RPS6KA1: variants seen among roughly 807,000 people sequenced by gnomAD.
RPS6KA1 encodes ribosomal protein S6 kinase A1, also known as ribosomal protein S6 kinase alpha-1.
In RPS6KA1, 48 loss-of-function variants were observed where a neutral mutation model predicts 91.3. That is an observed-to-expected ratio of 0.53 (90% confidence interval 0.42 to 0.67). The LOEUF (loss-of-function observed/expected upper bound fraction) is 0.67, where lower values mean the gene tolerates loss of function less well. Among genes scored for constraint, RPS6KA1 ranks in the 30% least tolerant of loss-of-function variants. RPS6KA1 has a pLI of 0.00. For synonymous variants in RPS6KA1, 359 were observed against 384.7 expected (o/e 0.93, Z 0.78); for missense variants, 719 against 960.5 (o/e 0.75, Z 3.32).
intron 17 of RPS6KA1, among the ~76,000 whole-genome samples, chr1:26,569,251 G>A (rs1013435563): frequency 2.0e-5 from 3 of 151,976 alleles, no homozygotes; most frequent in African/African-American, 7.3e-5. Context: ...CTGTCCACCC[G>A]CCGAGGTGCA....
chr1:26,555,617 A>T lies in RPS6KA1; in HGVS notation c.908A>T (p.Asn303Ile). Residue 303 changes from asparagine (N) to isoleucine (I), a missense_variant, in exon 11 of 22, where the codon AAC becomes ATC. Transcript: ENST00000374168. The surrounding 1 kb of genome is among the most constrained non-coding windows in gnomAD (Gnocchi z 4.3). ...LRALFKRNPA[N>I]RLGSGPDGAE... ...GCCCTGTTCAAGCGGAATCCTGCCA[A>T]CCGGCTCGGTAAGCAGCCCCAGCTC... 6.3e-7 allele frequency: 1 copy of T among 1,594,082 alleles called. No individual in the cohort carries two copies. Among genetic ancestry groups the T allele is most frequent in the African/African-American group, 1.3e-5 (1 of 74,510 alleles).
intron 4 of RPS6KA1, among the ~76,000 whole-genome samples, chr1:26,550,154 C>T (rs552338438): frequency 2.0e-5 from 3 of 150,440 alleles, no homozygotes; most frequent in Non-Finnish European, 2.9e-5. Flanking sequence ...GCTAGTATTA[C>T]AGGCATGAGC....
At chr1:26,537,093 C>A in intron 2 of RPS6KA1, 124 bp downstream of exon 2, 1 of 973,832 alleles carries the variant, frequency 1.0e-6, no homozygotes, top group Non-Finnish European at 1.6e-6. Flanking sequence ...TTCTCAGGGC[C>A]CACCGAATCC....
chr1:26,544,440 T>C (rs929553037), intron 2 of RPS6KA1, among the ~76,000 whole-genome samples: 1 of 152,088 alleles, frequency 6.6e-6, no homozygotes, highest in African/African-American at 2.4e-5. Context: ...ACCATCTGTC[T>C]CTGCCTTTTG....
rs780086596 is a variant in RPS6KA1 at position 26,551,604 on chromosome 1, G to A, written c.389-40G>A. The A allele has an allele frequency of 1.2e-6, 2 of 1,605,834 alleles. No individual in the cohort carries two copies. Among genetic ancestry groups the A allele is most frequent in the East Asian group, 2.2e-5 (1 of 44,834 alleles). On this transcript the variant is annotated intron_variant, in intron 5 of 21. Transcript: ENST00000374168. This position sits in a 1 kb window ranked among gnomAD's most constrained non-coding sequence, Gnocchi z 4.5. ...CAGGGCCGGAGAAGCAGATCATAAG[G>A]CCGCGCCGACTCTACCATTGCCTTT... is the stretch of plus-strand genomic sequence containing the variant.
rs1202956272 is a variant in RPS6KA1 at position 26,561,248 on chromosome 1, G to A, written c.1431+114G>A. ...CCTCTTTCCAGTGGTCATGTGGAGG[G>A]GAAGGAGGTCCCTTGGTCCCTTCAG... On this transcript the variant is annotated intron_variant, in intron 16 of 21. Transcript: ENST00000374168. The surrounding 1 kb of genome is among the most constrained non-coding windows in gnomAD (Gnocchi z 5.7). 1 of 1,078,784 alleles carries A rather than the reference G, an allele frequency of 9.3e-7. No homozygotes were observed. The highest frequency in any genetic ancestry group is 2.0e-5 in the Admixed American group (1 of 49,260). 66.8% of individuals were successfully genotyped at this position (1,078,784 alleles called of 1,614,324 possible).
At chr1:26,564,554 G>A (rs1484845841) in intron 17 of RPS6KA1, among the ~76,000 whole-genome samples, 1 of 152,152 alleles carries the variant, frequency 6.6e-6, no homozygotes, top group African/African-American at 2.4e-5. Flanking sequence ...CACCGCGCCC[G>A]GCCACGCTGC....
intron 20 of RPS6KA1, 32 bp from the exon 21 acceptor site, chr1:26,573,192 T>C (rs2076264975): frequency 6.2e-7 from 1 of 1,608,696 alleles, no homozygotes; most frequent in African/African-American, 1.3e-5. Context: ...CCTGCAGCCC[T>C]CCCCCAACCC....
intron 2 of RPS6KA1, among the ~76,000 whole-genome samples, chr1:26,539,197 G>A (rs10493038): frequency 0.052 from 7,990 of 152,282 alleles, 693 homozygotes; most frequent in African/African-American, 0.18. Flanking sequence ...TCCGTAGCAT[G>A]ACGAGATGAG....
At chr1:26,573,631 C>A (rs1264668409) in intron 21 of RPS6KA1, among the ~76,000 whole-genome samples, 1 of 152,154 alleles carries the variant, frequency 6.6e-6, no homozygotes, top group Non-Finnish European at 1.5e-5. Flanking sequence ...CATAAAGGAC[C>A]ACTGAGGCTG....
chr1:26,537,979 TCCAGACCTAGGTTGGCTTGAACA>T (rs2075919188), intron 2 of RPS6KA1, among the ~76,000 whole-genome samples: 1 of 152,204 alleles, frequency 6.6e-6, no homozygotes, highest in Non-Finnish European at 1.5e-5. Flanking sequence ...GACCCCACCT[TCCAGACCTAGGTTGGCTTGAACA>T]CCAGACCTGC....
chr1:26,570,831 AG>A (rs1369441487), intron 17 of RPS6KA1, among the ~76,000 whole-genome samples: 2 of 152,206 alleles, frequency 1.3e-5, no homozygotes, highest in Non-Finnish European at 2.9e-5. Context: ...TTTAAAGATA[AG>A]GAAAATAGGG....
intron 2 of RPS6KA1, among the ~76,000 whole-genome samples, chr1:26,545,245 C>G (rs1468653710): frequency 6.6e-6 from 1 of 151,482 alleles, no homozygotes; most frequent in Non-Finnish European, 1.5e-5. Context: ...TCTCGGCTCA[C>G]TGCAAGCTCC....
intron 1 of RPS6KA1, among the ~76,000 whole-genome samples, chr1:26,535,130 A>G (rs966577342): frequency 5.3e-5 from 8 of 152,096 alleles, no homozygotes; most frequent in African/African-American, 1.9e-4. Flanking sequence ...CATCCCTACC[A>G]CAGCCCAGCC....
chr1:26,555,269 G>A lies in RPS6KA1; in HGVS notation c.827+48G>A, dbSNP rs780958504. On this transcript the variant is annotated intron_variant, in intron 10 of 21. Coordinates refer to ENST00000374168, the MANE Select transcript of RPS6KA1 (RefSeq NM_002953.4). This position sits in a 1 kb window ranked among gnomAD's most constrained non-coding sequence, Gnocchi z 4.3. ...TAACAATGGACTCCTCCAAGCCCCA[G>A]CCCCAGTTTGGGGGTCAGAATATTA... 17 of 1,578,726 alleles carry A rather than the reference G, an allele frequency of 1.1e-5. No individual in the cohort carries two copies. In the South Asian group the frequency reaches 1.8e-4, roughly 17 times the overall value.
chr1:26,571,704 C>T lies in RPS6KA1; in HGVS notation c.1752+94C>T, dbSNP rs542157105. ...GCCCCACATTAGCCGGGACTCCAGT[C>T]TCTGTGACCTTGGCCCAGCTGGCAA... On this transcript the variant is annotated intron_variant, in intron 18 of 21. Coordinates refer to ENST00000374168, the MANE Select transcript of RPS6KA1 (RefSeq NM_002953.4). The surrounding 1 kb of genome is among the most constrained non-coding windows in gnomAD (Gnocchi z 5.1). The T allele has an allele frequency of 3.2e-4, 489 of 1,515,736 alleles. 3 individuals are homozygous for T. The African/African-American group carries it at 6.2e-3, about 19-fold the overall frequency. The allele number at this position is 1,515,736 out of a possible 1,614,324, so 93.9% of individuals were successfully genotyped here. A position where few individuals can be genotyped will look rare whatever the true frequency, so the allele number is the denominator to read the frequency against.
At chr1:26,548,364 G>C (rs952036307) in intron 4 of RPS6KA1, among the ~76,000 whole-genome samples, 2 of 152,122 alleles carry the variant, frequency 1.3e-5, no homozygotes, top group African/African-American at 4.8e-5. Context: ...TGTAGAGGGT[G>C]GGCCCAGAGG....
rs191913555 is a variant in RPS6KA1 at position 26,571,756 on chromosome 1, C to G, written c.1753-93C>G. 6.1e-6 allele frequency: 9 copies of G among 1,487,046 alleles called. No homozygotes were observed. Among genetic ancestry groups the G allele is most frequent in the Admixed American group, 3.9e-5 (2 of 51,806 alleles). 92.1% of individuals were successfully genotyped at this position (1,487,046 alleles called of 1,614,324 possible). ...GGAAGATCTAGCCTGTGCCTGGGACCCTTGTCCTGCCCTTGAGGGGAGTAG... is the reference window on the plus strand; with the variant it reads ...GGAAGATCTAGCCTGTGCCTGGGACGCTTGTCCTGCCCTTGAGGGGAGTAG... On this transcript the variant is annotated intron_variant, in intron 18 of 21. Transcript: ENST00000374168. The surrounding 1 kb of genome is among the most constrained non-coding windows in gnomAD (Gnocchi z 5.1).
intron 2 of RPS6KA1, among the ~76,000 whole-genome samples, chr1:26,537,489 T>C (rs926704634): frequency 2.6e-5 from 4 of 152,216 alleles, no homozygotes; most frequent in African/African-American, 9.6e-5. Flanking sequence ...CCCTCACCCC[T>C]GCTATCTCTG....
Sources: allele counts gnomAD v4.1 joint callset (sites outside exome capture counted in the v4.1 genomes callset), GRCh38; gene constraint gnomAD v4.1.1; non-coding constraint Gnocchi (gnomAD v3.1); transcripts MANE v1.5; gene names NCBI Gene and HGNC (gene_info 2026-07-23, HGNC 2026-07-21).